RUNX1T1: variants seen among roughly 807,000 people sequenced by gnomAD.
RUNX1T1 encodes protein CBFA2T1.
In RUNX1T1, 4 loss-of-function variants were observed where a neutral mutation model predicts 62.8. That is an observed-to-expected ratio of 0.06 (90% CI 0.03 to 0.15). The LOEUF (loss-of-function observed/expected upper bound fraction) is 0.15, where lower values mean the gene tolerates loss of function less well. RUNX1T1 is among the 10% of genes least tolerant of loss of function. The pLI is 1.00. For missense variants in RUNX1T1, 508 were observed against 754.3 expected (o/e 0.67, Z 3.82); for synonymous variants, 291 against 286.0 (o/e 1.02, Z -0.18).
chr8:92,046,081 G>T, intron 1 of RUNX1T1, among the ~76,000 whole-genome samples: 1 of 152,126 alleles, frequency 6.6e-6, no homozygotes, highest in East Asian at 1.9e-4. Flanking sequence ...AAAGAACACA[G>T]ATATTTCACC....
upstream of RUNX1T1, chr8:92,062,969 A>C (rs1296702089): frequency 7.4e-6 from 9 of 1,211,404 alleles, no homozygotes; most frequent in Non-Finnish European, 9.3e-6. Flanking sequence ...ATTCACCACC[A>C]CCCCCATCCT....
At chr8:91,961,967 C>T (rs1004441564) in intron 10 of RUNX1T1, among the ~76,000 whole-genome samples, 1 of 152,188 alleles carries the variant, frequency 6.6e-6, no homozygotes, top group Non-Finnish European at 1.5e-5. Context: ...GCTTTGCTTC[C>T]AGCATGCTGG....
intron 1 of RUNX1T1, among the ~76,000 whole-genome samples, chr8:92,030,653 G>A (rs1322672787): frequency 6.6e-6 from 1 of 152,110 alleles, no homozygotes; most frequent in East Asian, 1.9e-4. Context: ...ACTCTTTTGT[G>A]GTTAACCCAA....
intron 1 of RUNX1T1, among the ~76,000 whole-genome samples, chr8:92,089,189 C>A (rs2130884577): frequency 6.6e-6 from 1 of 152,200 alleles, no homozygotes; most frequent in Non-Finnish European, 1.5e-5. Context: ...CTCTTAAGTT[C>A]AAAAGAAACC....
At chr8:92,036,510 T>C (rs1827443613) in intron 1 of RUNX1T1, among the ~76,000 whole-genome samples, 1 of 152,186 alleles carries the variant, frequency 6.6e-6, no homozygotes, top group Non-Finnish European at 1.5e-5. Flanking sequence ...TGATCGTCAA[T>C]GTCAACATTC....
intron 1 of RUNX1T1, among the ~76,000 whole-genome samples, chr8:92,055,043 T>C (rs1391289679): frequency 6.6e-6 from 1 of 152,020 alleles, no homozygotes; most frequent in African/African-American, 2.4e-5. Flanking sequence ...AAAAATACAC[T>C]CAGCACAAAC....
At chr8:91,972,698 G>T (rs775613383) in intron 9 of RUNX1T1, among the ~76,000 whole-genome samples, 2 of 152,016 alleles carry the variant, frequency 1.3e-5, no homozygotes, top group Non-Finnish European at 2.9e-5. Context: ...TTGACTAATT[G>T]TATATGCAAA....
At chr8:92,093,892 A>G (rs1837402142) in intron 1 of RUNX1T1, among the ~76,000 whole-genome samples, 1 of 152,218 alleles carries the variant, frequency 6.6e-6, no homozygotes, top group Non-Finnish European at 1.5e-5. Flanking sequence ...ATTTCTCTGT[A>G]ACATCCAATT....
intron 5 of RUNX1T1, among the ~76,000 whole-genome samples, chr8:91,999,385 CT>C (rs1381104085): frequency 1.3e-5 from 2 of 152,132 alleles, no homozygotes. Context: ...CTCAGTGTTT[CT>C]GCCTGCAAAA....
intron 1 of RUNX1T1, among the ~76,000 whole-genome samples, chr8:92,019,790 TA>T (rs1823732778): frequency 6.6e-6 from 1 of 152,220 alleles, no homozygotes. Context: ...AAGTTTTTGG[TA>T]TATTCATAAT....
chr8:91,975,988 G>C lies in RUNX1T1; in HGVS notation c.1199-15C>G, dbSNP rs764361759. ...CCGATGCGCGTCTATGAAAAGGATG[G>C]GAAGGGGGTGGAGAGAGGAGGAGAG... On this transcript the variant is annotated splice_polypyrimidine_tract_variant and intron_variant, in intron 8 of 10. Coordinates refer to ENST00000396218, the Ensembl canonical transcript of RUNX1T1. 1.3e-6 allele frequency: 2 copies of C among 1,595,872 alleles called. No homozygotes were observed. The highest frequency in any genetic ancestry group is 1.1e-5 in the South Asian group (1 of 90,702).
At chr8:92,091,894 A>G (rs1341729946) in intron 1 of RUNX1T1, among the ~76,000 whole-genome samples, 1 of 152,226 alleles carries the variant, frequency 6.6e-6, no homozygotes, top group Non-Finnish European at 1.5e-5. Flanking sequence ...GAAACACTGC[A>G]TTTGTTAATA....
chr8:91,961,108 A>G (rs907057195), intron 10 of RUNX1T1, among the ~76,000 whole-genome samples: 12 of 152,204 alleles, frequency 7.9e-5, no homozygotes, highest in Non-Finnish European at 1.5e-4. Context: ...AGTGAACCTT[A>G]CAACCAAATG....
intron 6 of RUNX1T1, among the ~76,000 whole-genome samples, chr8:91,988,961 T>C (rs568134140): frequency 6.6e-6 from 1 of 152,302 alleles, no homozygotes; most frequent in East Asian, 1.9e-4. Flanking sequence ...TTTAAGATAC[T>C]TAAATATTCA....
intron 10 of RUNX1T1, among the ~76,000 whole-genome samples, chr8:91,963,822 A>G (rs1484481189): frequency 6.6e-6 from 1 of 152,112 alleles, no homozygotes; most frequent in Non-Finnish European, 1.5e-5. Context: ...TTATTTATTT[A>G]TTTTTAAATG....
chr8:92,097,111 T>C (rs1837811018), intron 1 of RUNX1T1, among the ~76,000 whole-genome samples: 1 of 152,118 alleles, frequency 6.6e-6, no homozygotes, highest in African/African-American at 2.4e-5. Flanking sequence ...TGTCATGCAA[T>C]GAATGTCAGA....
intron 1 of RUNX1T1, among the ~76,000 whole-genome samples, chr8:92,053,586 A>G (rs780422754): frequency 6.6e-6 from 1 of 152,226 alleles, no homozygotes; most frequent in African/African-American, 2.4e-5. Context: ...CTAGCCACCA[A>G]TAAAGTTGTG....
chr8:92,040,167 A>C (rs376099126), intron 1 of RUNX1T1, among the ~76,000 whole-genome samples: 2 of 152,198 alleles, frequency 1.3e-5, no homozygotes, highest in South Asian at 4.1e-4. Context: ...CAACAAGCTT[A>C]TGATCTTTCA....
At chr8:92,095,540 C>G in intron 1 of RUNX1T1, 1 of 1,476,576 alleles carries the variant, frequency 6.8e-7, no homozygotes, top group Non-Finnish European at 8.9e-7. Flanking sequence ...ATTACAATAT[C>G]AGCAGGGCCC....
Sources: gnomAD v4.1 joint callset for allele counts (sites outside exome capture counted in the v4.1 genomes callset) on GRCh38, gnomAD v4.1.1 for gene constraint, MANE v1.5 for transcripts, NCBI Gene and HGNC (gene_info 2026-07-23, HGNC 2026-07-21) for gene names.